ATP6V1E1: variants seen among roughly 807,000 people sequenced by gnomAD.
ATP6V1E1 encodes the protein ATPase H+ transporting V1 subunit E1, also known as V-type proton ATPase subunit E 1.
In ATP6V1E1, 21 loss-of-function variants were observed where a neutral mutation model predicts 35.2. The observed-to-expected ratio is 0.60, with a 90% confidence interval of 0.42 to 0.86. The LOEUF is 0.86. Ranked by LOEUF, ATP6V1E1 falls within the 40% of genes least tolerant of loss-of-function variation. The pLI, the probability that ATP6V1E1 is intolerant of heterozygous loss-of-function variation, is 0.00. For synonymous variants in ATP6V1E1, 83 were observed against 87.8 expected (o/e 0.95, Z 0.30); for missense variants, 183 against 272.6 (o/e 0.67, Z 2.32).
rs1601372557 is a variant in ATP6V1E1, at chr22:17,598,224, A to G, written c.500T>C (p.Ile167Thr). ...IATKNDVDVQ[I>T]DQESYLPEDI... ...TTCAGGCAGGTAGGACTCCTGGTCAATTTGGACATCAACATCGTTTTTGGT... is the reference window on the plus strand; with the variant it reads ...TTCAGGCAGGTAGGACTCCTGGTCAGTTTGGACATCAACATCGTTTTTGGT... Residue 167 changes from isoleucine (I) to threonine (T), a missense_variant, in exon 7 of 9, where the codon ATT (isoleucine) becomes ACT (threonine). By Grantham distance (89) the Ile-to-Thr change is moderately conservative. Coordinates refer to ENST00000253413, the MANE Select transcript of ATP6V1E1 (RefSeq NM_001696.4). 1 of 1,614,032 alleles carries G rather than the reference A, an allele frequency of 6.2e-7. No homozygotes were observed. Among genetic ancestry groups the G allele is most frequent in the Non-Finnish European group, 8.5e-7 (1 of 1,179,922 alleles).
rs1438036230 is a variant in ATP6V1E1, at chr22:17,611,023, G to A, written c.276+1789C>T. ...AAGAGAAAACCGAGGGTCAGAAACA[G>A]TAATTTAGACAAACGAATATGGCAG... On this transcript the variant is annotated intron_variant, in intron 4 of 8. Coordinates refer to ENST00000253413, the MANE Select transcript of ATP6V1E1 (RefSeq NM_001696.4). Among the ~76,000 whole-genome samples the A allele has an allele frequency of 3.3e-5, 5 of 152,180 alleles. No homozygotes were observed. The South Asian group carries it at 8.3e-4, about 25-fold the overall frequency.
chr22:17,604,721 G>A (rs558950750), intron 4 of ATP6V1E1, among the ~76,000 whole-genome samples: 41 of 151,828 alleles, frequency 2.7e-4, no homozygotes, highest in Non-Finnish European at 5.1e-4. Flanking sequence ...GCTTCACCAT[G>A]TTGATCAGGC....
intron 1 of ATP6V1E1, among the ~76,000 whole-genome samples, chr22:17,626,424 G>C (rs186989288): frequency 3.9e-5 from 6 of 152,072 alleles, no homozygotes; most frequent in Non-Finnish European, 5.9e-5. Flanking sequence ...ACCCAGGATG[G>C]AGCACAGTGG....
rs112902284 is a variant in ATP6V1E1 at position 17,626,325 on chromosome 22, A to G, written c.33+2278T>C. ...TTCGTCTCAAAAAAAAAAAAAAAAAAAAAGAAAGAAAAGAAAAAGCGGTCT... is the reference window on the plus strand; with the variant it reads ...TTCGTCTCAAAAAAAAAAAAAAAAAGAAAGAAAGAAAAGAAAAAGCGGTCT... On this transcript the variant is annotated intron_variant, in intron 1 of 8. Coordinates refer to ENST00000253413, the MANE Select transcript of ATP6V1E1 (RefSeq NM_001696.4). Among the ~76,000 whole-genome samples, 336 of 122,908 alleles carry G rather than the reference A, an allele frequency of 2.7e-3. 3 individuals are homozygous for G. The highest frequency in any genetic ancestry group is 0.01 in the African/African-American group (285 of 27,766). 80.6% of individuals were successfully genotyped at this position (122,908 alleles called of 152,430 possible). A position where few individuals can be genotyped will look rare whatever the true frequency, so the allele number is the denominator to read the frequency against.
intron 1 of ATP6V1E1, among the ~76,000 whole-genome samples, chr22:17,623,143 A>G (rs1446352549): frequency 6.6e-6 from 1 of 152,096 alleles, no homozygotes; most frequent in Non-Finnish European, 1.5e-5. Flanking sequence ...CGTGTTTCCA[A>G]TCCTACTTTT....
intron 4 of ATP6V1E1, 122 bp downstream of exon 4, chr22:17,612,690 T>C (rs553362196): frequency 2.5e-5 from 21 of 833,062 alleles, no homozygotes; most frequent in Non-Finnish European, 3.8e-5. Context: ...TTATAATAAT[T>C]GGAATGTTTT....
intron 2 of ATP6V1E1, among the ~76,000 whole-genome samples, chr22:17,615,418 G>A (rs915004147): frequency 2.6e-5 from 4 of 152,114 alleles, no homozygotes; most frequent in Non-Finnish European, 5.9e-5. Context: ...GCCGAGGTAG[G>A]CGGATCACTT....
Position 17,622,306 on chromosome 22 carries a change from G to C in ATP6V1E1, c.34-2780C>G, listed in dbSNP as rs77989004. Among the ~76,000 whole-genome samples, 1,161 of 152,244 alleles carry C rather than the reference G, an allele frequency of 7.6e-3. 8 individuals are homozygous for C. The highest frequency in any genetic ancestry group is 0.014 in the Admixed American group (219 of 15,274). On this transcript the variant is annotated intron_variant, in intron 1 of 8. Coordinates refer to ENST00000253413, the MANE Select transcript of ATP6V1E1 (RefSeq NM_001696.4). ...TGGAACAACCACCACCATAGGAGAT[G>C]CTCAAAAAAATTTGTGAATGAATGC...
intron 4 of ATP6V1E1, among the ~76,000 whole-genome samples, chr22:17,608,839 C>T (rs900773671): frequency 3.9e-5 from 6 of 152,224 alleles, no homozygotes; most frequent in Non-Finnish European, 8.8e-5. Flanking sequence ...GTAATCCCAG[C>T]ACTTTGGGAG....
rs1284810940 is a variant in ATP6V1E1, at chr22:17,614,791, AC to A, written c.100-1472del. Among the ~76,000 whole-genome samples, 5 of 151,546 alleles carry A rather than the reference AC, an allele frequency of 3.3e-5. No homozygotes were observed. The East Asian group carries it at 9.8e-4, about 30-fold the overall frequency. On this transcript the variant is annotated intron_variant, in intron 2 of 8. Coordinates refer to ENST00000253413, the MANE Select transcript of ATP6V1E1 (RefSeq NM_001696.4). Reference sequence around the variant, plus strand: ...AGACCATCCTGGCTAACATGGTGAAACCCCGTCTCTACTAAAAAATACAAAA... The same window carrying A: ...AGACCATCCTGGCTAACATGGTGAAACCCGTCTCTACTAAAAAATACAAAA...
intron 1 of ATP6V1E1, 138 bp downstream of exon 1, chr22:17,628,465 T>C: frequency 1.6e-6 from 2 of 1,237,222 alleles, no homozygotes; most frequent in Non-Finnish European, 1.2e-6. Context: ...GGCCGACCTC[T>C]TGGATCTGGT....
intron 4 of ATP6V1E1, among the ~76,000 whole-genome samples, chr22:17,604,670 C>T (rs1392784077): frequency 1.3e-5 from 2 of 152,000 alleles, no homozygotes; most frequent in African/African-American, 2.4e-5. Flanking sequence ...CAGGTGCACA[C>T]CACCATGCCT....
At chr22:17,609,937 T>C (rs926309303) in intron 4 of ATP6V1E1, among the ~76,000 whole-genome samples, 3 of 152,216 alleles carry the variant, frequency 2.0e-5, no homozygotes, top group Admixed American at 6.5e-5. Flanking sequence ...ATCTGAATTT[T>C]AGGTGTCAAG....
At chr22:17,613,446 G>A (rs900772783) in intron 2 of ATP6V1E1, 126 bp from the exon 3 acceptor site, 96 of 719,212 alleles carry the variant, frequency 1.3e-4, no homozygotes, top group Non-Finnish European at 2.0e-4. Context: ...AATTTATTGT[G>A]ATTCATTTTC....
rs573739285 is a variant in ATP6V1E1, at chr22:17,598,428, C to G, written c.436-140G>C. On this transcript the variant is annotated intron_variant, in intron 6 of 8. Coordinates refer to ENST00000253413, the MANE Select transcript of ATP6V1E1 (RefSeq NM_001696.4). ...AGGCACCGCTGGTGGGAATGTAAAACGGCACGGCCACTGAGGAGAAATGAC... is the reference window on the plus strand; with the variant it reads ...AGGCACCGCTGGTGGGAATGTAAAAGGGCACGGCCACTGAGGAGAAATGAC... 6.1e-6 allele frequency: 4 copies of G among 659,238 alleles called. No individual in the cohort carries two copies. In the African/African-American group the frequency reaches 7.2e-5, roughly 12 times the overall value. The allele number at this position is 659,238 out of a possible 1,614,324, so 40.8% of individuals were successfully genotyped here. A position where few individuals can be genotyped will look rare whatever the true frequency, so the allele number is the denominator to read the frequency against.
chr22:17,612,798 G>A lies in ATP6V1E1; in HGVS notation c.276+14C>T. ...ATGTAATAATTTTATAACTAATAGG[G>A]GCTAATTACTCACTGTGATAAGGTC... On this transcript the variant is annotated intron_variant, in intron 4 of 8. Coordinates refer to ENST00000253413, the MANE Select transcript of ATP6V1E1 (RefSeq NM_001696.4). 1.3e-6 allele frequency: 2 copies of A among 1,561,328 alleles called. No individual in the cohort carries two copies. The highest frequency in any genetic ancestry group is 1.7e-6 in the Non-Finnish European group (2 of 1,155,602).
intron 4 of ATP6V1E1, among the ~76,000 whole-genome samples, chr22:17,609,975 T>C (rs1251150267): frequency 6.6e-6 from 1 of 152,166 alleles, no homozygotes; most frequent in East Asian, 1.9e-4. Flanking sequence ...CTTCAAATTT[T>C]CCCTCTGAGG....
intron 4 of ATP6V1E1, among the ~76,000 whole-genome samples, chr22:17,604,214 T>C (rs75934578): frequency 0.02 from 3,080 of 152,284 alleles, 66 homozygotes; most frequent in East Asian, 0.1. Context: ...AACATCCCAG[T>C]GACACCCTCT....
chr22:17,599,577 C>CAAA lies in ATP6V1E1; in HGVS notation c.435+447_435+449dup, dbSNP rs71284922. Among the ~76,000 whole-genome samples, 12 of 65,692 alleles carry CAAA rather than the reference C, an allele frequency of 1.8e-4. 1 individual carries two copies. Among genetic ancestry groups the CAAA allele is most frequent in the African/African-American group, 3.0e-4 (5 of 16,860 alleles). 43.1% of individuals were successfully genotyped at this position (65,692 alleles called of 152,430 possible). A position where few individuals can be genotyped will look rare whatever the true frequency, so the allele number is the denominator to read the frequency against. On this transcript the variant is annotated intron_variant, in intron 6 of 8. Transcript: ENST00000253413. ...GGGAAATGAGAGCGAAACTCCATCT[C>CAAA]AAAAAAAAAAAAAAAAAGGAAACTA...
Sources: gnomAD v4.1 joint callset for allele counts (sites outside exome capture counted in the v4.1 genomes callset) on GRCh38, gnomAD v4.1.1 for gene constraint, MANE v1.5 for transcripts, NCBI Gene and HGNC (gene_info 2026-07-23, HGNC 2026-07-21) for gene names.